Variants in SMAP1 observed in about 807,000 individuals in gnomAD.
SMAP1 encodes small ArfGAP 1.
In SMAP1, 24 loss-of-function variants were observed where a neutral mutation model predicts 58.5. That is an observed-to-expected ratio of 0.41 (90% CI 0.30 to 0.58). The LOEUF (loss-of-function observed/expected upper bound fraction) is 0.58, where lower values mean the gene tolerates loss of function less well. Among genes scored for constraint, SMAP1 ranks in the 20% least tolerant of loss-of-function variants. The pLI is 0.29. For synonymous variants in SMAP1, 216 were observed against 196.6 expected (o/e 1.10, Z -0.82); for missense variants, 563 against 566.3 (o/e 0.99, Z 0.06).
chr6:70,809,409 A>G (rs1235685068), intron 6 of SMAP1, among the ~76,000 whole-genome samples: 1 of 152,242 alleles, frequency 6.6e-6, no homozygotes, highest in African/African-American at 2.4e-5. Flanking sequence ...TATGTCAGCT[A>G]ACCTATTAAT....
intron 9 of SMAP1, chr6:70,857,647 T>G (rs1249715859): frequency 2.3e-6 from 1 of 436,168 alleles, no homozygotes; most frequent in African/African-American, 2.0e-5. Flanking sequence ...CTACATAGTT[T>G]GGTCTTCACA....
intron 4 of SMAP1, among the ~76,000 whole-genome samples, chr6:70,788,826 T>C (rs941927748): frequency 6.6e-6 from 1 of 152,184 alleles, no homozygotes; most frequent in Non-Finnish European, 1.5e-5. Flanking sequence ...ATATAAACTA[T>C]TCAGGCCTTC....
intron 1 of SMAP1, among the ~76,000 whole-genome samples, chr6:70,702,999 C>A (rs916832858): frequency 1.3e-5 from 2 of 152,038 alleles, no homozygotes; most frequent in Non-Finnish European, 2.9e-5. Context: ...TTGTGCCTTG[C>A]GTGCTAATTC....
chr6:70,687,480 A>G (rs1454942261), intron 1 of SMAP1, among the ~76,000 whole-genome samples: 1 of 152,070 alleles, frequency 6.6e-6, no homozygotes, highest in Admixed American at 6.6e-5. Context: ...TATTTCTAGT[A>G]TTTTGCTTCT....
chr6:70,856,607 AGT>A, intron 8 of SMAP1: 1 of 293,146 alleles, frequency 3.4e-6, no homozygotes, highest in Non-Finnish European at 6.3e-6. Flanking sequence ...CACCTTAGGT[AGT>A]AAATGCAACT....
chr6:70,701,361 T>C (rs1297904403), intron 1 of SMAP1, among the ~76,000 whole-genome samples: 1 of 152,330 alleles, frequency 6.6e-6, no homozygotes, highest in East Asian at 1.9e-4. Flanking sequence ...CCACCATGCC[T>C]GGCCTGGTGT....
chr6:70,704,613 G>A (rs1287510478), intron 1 of SMAP1, among the ~76,000 whole-genome samples: 1 of 152,118 alleles, frequency 6.6e-6, no homozygotes, highest in Non-Finnish European at 1.5e-5. Flanking sequence ...CTTAGTCTTT[G>A]AGTTTATTCT....
At chr6:70,670,716 A>G (rs1411452912) in intron 1 of SMAP1, among the ~76,000 whole-genome samples, 1 of 152,202 alleles carries the variant, frequency 6.6e-6, no homozygotes, top group Non-Finnish European at 1.5e-5. Context: ...TAGTTAACTC[A>G]ATTTTCTTTC....
intron 2 of SMAP1, among the ~76,000 whole-genome samples, chr6:70,742,622 C>G (rs1473446016): frequency 6.6e-6 from 1 of 152,200 alleles, no homozygotes; most frequent in Non-Finnish European, 1.5e-5. Context: ...TCTGCCTGTT[C>G]CCCAGTTCCA....
intron 6 of SMAP1, among the ~76,000 whole-genome samples, chr6:70,807,771 C>T (rs1265718424): frequency 6.6e-6 from 1 of 152,064 alleles, no homozygotes; most frequent in African/African-American, 2.4e-5. Context: ...CTATTTATTA[C>T]AACATGTTAT....
chr6:70,770,422 A>G (rs954092249), intron 3 of SMAP1, among the ~76,000 whole-genome samples: 1 of 152,112 alleles, frequency 6.6e-6, no homozygotes, highest in Admixed American at 6.5e-5. Flanking sequence ...ACATAGTCCC[A>G]TATTTCTTGG....
chr6:70,679,657 A>T (rs924566577), intron 1 of SMAP1, among the ~76,000 whole-genome samples: 5 of 152,252 alleles, frequency 3.3e-5, no homozygotes, highest in African/African-American at 4.8e-5. Flanking sequence ...GGATAAATTT[A>T]ACAAAATACG....
At chr6:70,704,479 A>T (rs1295565126) in intron 1 of SMAP1, among the ~76,000 whole-genome samples, 7 of 152,170 alleles carry the variant, frequency 4.6e-5, no homozygotes. Context: ...AAATGGTTAT[A>T]TTCTGCAGCA....
chr6:70,836,098 G>A (rs1452273148), intron 6 of SMAP1, among the ~76,000 whole-genome samples: 1 of 152,146 alleles, frequency 6.6e-6, no homozygotes, highest in African/African-American at 2.4e-5. Flanking sequence ...TGCTCACGAA[G>A]ACTCCAAGGC....
intron 1 of SMAP1, among the ~76,000 whole-genome samples, chr6:70,688,241 T>C (rs1767011584): frequency 6.6e-6 from 1 of 152,184 alleles, no homozygotes; most frequent in African/African-American, 2.4e-5. Flanking sequence ...TTTTTTAGTA[T>C]TAAAAATAAA....
intron 1 of SMAP1, among the ~76,000 whole-genome samples, chr6:70,699,219 T>G (rs1767529575): frequency 6.6e-6 from 1 of 152,208 alleles, no homozygotes; most frequent in Non-Finnish European, 1.5e-5. Context: ...AGGCAGAGAC[T>G]CTTGTTTTCT....
intron 2 of SMAP1, among the ~76,000 whole-genome samples, chr6:70,733,715 C>T (rs1765515018): frequency 6.6e-6 from 1 of 152,160 alleles, no homozygotes; most frequent in Admixed American, 6.5e-5. Context: ...TGAGGTGTAG[C>T]TTGACAGTAT....
intron 6 of SMAP1, among the ~76,000 whole-genome samples, chr6:70,804,196 G>A (rs551038147): frequency 2.0e-5 from 3 of 152,158 alleles, no homozygotes; most frequent in African/African-American, 7.2e-5. Flanking sequence ...TATATATTTA[G>A]GATAGTTAGC....
intron 4 of SMAP1, among the ~76,000 whole-genome samples, chr6:70,786,847 A>G (rs896054533): frequency 9.2e-5 from 14 of 152,238 alleles, no homozygotes; most frequent in African/African-American, 2.7e-4. Flanking sequence ...GACAGGAAGA[A>G]TCAATATCAT....
Sources: gnomAD v4.1 joint callset for allele counts (sites outside exome capture counted in the v4.1 genomes callset) on GRCh38, gnomAD v4.1.1 for gene constraint, MANE v1.5 for transcripts, NCBI Gene and HGNC (gene_info 2026-07-23, HGNC 2026-07-21) for gene names.